Variants in ESRP1 observed in about 807,000 individuals in gnomAD.
The protein encoded by ESRP1 is epithelial splicing regulatory protein 1, also known as RNA-binding motif protein 35A.
ESRP1 carries 33 observed loss-of-function variants against 81.7 expected under a neutral mutation model. The ratio of observed to expected loss-of-function variants is 0.40; its 90% CI spans 0.31 to 0.54. The LOEUF is 0.54. ESRP1 is among the 20% of genes least tolerant of loss of function. The pLI is 0.41. For synonymous variants in ESRP1, 320 were observed against 303.3 expected (o/e 1.06, Z -0.57); for missense variants, 672 against 833.1 (o/e 0.81, Z 2.38).
At chr8:94,667,068 G>GGT (rs1163646804) in intron 9 of ESRP1, among the ~76,000 whole-genome samples, 3,418 of 144,218 alleles carry the variant, frequency 0.024, 47 homozygotes, top group Middle Eastern at 0.032. Context: ...CCAGGAGAGG[G>GGT]GTGTGTGTGT....
At chr8:94,671,712 C>T in intron 11 of ESRP1, 41 bp downstream of exon 11, 9 of 1,443,060 alleles carry the variant, frequency 6.2e-6, no homozygotes, top group Non-Finnish European at 8.7e-6. Context: ...TGCTTTTTCT[C>T]ACTACATATG....
chr8:94,687,363 T>C (rs1276461719), intron 13 of ESRP1, among the ~76,000 whole-genome samples: 21 of 152,346 alleles, frequency 1.4e-4, no homozygotes, highest in Non-Finnish European at 1.5e-5. Context: ...TTTACACTTT[T>C]TGGCTATTAA....
intron 4 of ESRP1, among the ~76,000 whole-genome samples, chr8:94,659,255 A>AT (rs1227173418): frequency 6.6e-6 from 1 of 152,114 alleles, no homozygotes; most frequent in Non-Finnish European, 1.5e-5. Flanking sequence ...TATTGACACC[A>AT]TTTTTCCAAC....
intron 13 of ESRP1, among the ~76,000 whole-genome samples, chr8:94,686,213 G>C (rs527558067): frequency 6.6e-6 from 1 of 152,326 alleles, no homozygotes; most frequent in East Asian, 1.9e-4. Context: ...ACAGGCATGA[G>C]CCACCAGGGC....
At chr8:94,695,065 G>T (rs1408681951) in intron 14 of ESRP1, among the ~76,000 whole-genome samples, 1 of 152,138 alleles carries the variant, frequency 6.6e-6, no homozygotes, top group Non-Finnish European at 1.5e-5. Flanking sequence ...GTCTTGAAGA[G>T]TACATGCCTT....
rs10618511 is a variant in ESRP1 at position 94,704,766 on chromosome 8, G to GA, written c.*36-1132dup. 3.7e-3 allele frequency among the ~76,000 whole-genome samples: 407 copies of GA among 108,708 alleles called. 20 individuals carry two copies. Among genetic ancestry groups the GA allele is most frequent in the East Asian group, 0.015 (42 of 2,838 alleles). The allele number at this position is 108,708 out of a possible 152,430, so 71.3% of individuals were successfully genotyped here. On this transcript the variant is annotated intron_variant, in intron 15 of 15. Coordinates refer to ENST00000433389, the MANE Select transcript of ESRP1 (RefSeq NM_017697.4). ...ACAATGCAAGGCACCATCTCTTTTT[G>GA]AAAAAAAAAAAAAAAAAAAAAAAAA...
intron 15 of ESRP1, 176 bp from the exon 16 acceptor site, chr8:94,705,749 A>G: frequency 3.3e-6 from 2 of 603,014 alleles, no homozygotes; most frequent in South Asian, 4.2e-5. Context: ...TGTACTCCCA[A>G]AGCCCTTGCC....
At chr8:94,676,835 T>G (rs1808662152) in intron 12 of ESRP1, among the ~76,000 whole-genome samples, 1 of 151,772 alleles carries the variant, frequency 6.6e-6, no homozygotes, top group African/African-American at 2.4e-5. Flanking sequence ...CACTGTCCTG[T>G]AATGAACCGC....
At chr8:94,642,724 GGCT>G (rs10603303) in intron 2 of ESRP1, among the ~76,000 whole-genome samples, 4,506 of 152,284 alleles carry the variant, frequency 0.03, 223 homozygotes, top group African/African-American at 0.1. Context: ...CCTAAAAACC[GGCT>G]GTTCCGGGGT....
intron 13 of ESRP1, chr8:94,688,154 A>AC (rs1809219535): frequency 6.5e-6 from 1 of 153,012 alleles, no homozygotes; most frequent in East Asian, 1.9e-4. Flanking sequence ...TATTGAAAAC[A>AC]CCTCTTTCCC....
chr8:94,660,693 CAG>C (rs1436493942), intron 4 of ESRP1, among the ~76,000 whole-genome samples: 2 of 110,386 alleles, frequency 1.8e-5, no homozygotes, highest in Non-Finnish European at 3.4e-5. Context: ...GCCTGGGCAA[CAG>C]AGCGAGACTA....
intron 13 of ESRP1, among the ~76,000 whole-genome samples, chr8:94,690,932 T>C (rs12546282): frequency 0.34 from 51,934 of 152,004 alleles, 9,512 homozygotes; most frequent in East Asian, 0.56. Flanking sequence ...AGGAGGAAAG[T>C]AATGAACCAG....
chr8:94,649,647 G>A (rs1425642293), intron 4 of ESRP1: 1 of 152,120 alleles, frequency 6.6e-6, no homozygotes, highest in South Asian at 2.1e-4. Context: ...CAGGTAGCTG[G>A]TATTACAGGC....
rs1376145558 is a variant in ESRP1, at chr8:94,706,920, A to T, written c.*1031A>T. 2.0e-5 allele frequency: 3 copies of T among 152,260 alleles called. No homozygotes were observed. The highest frequency in any genetic ancestry group is 4.4e-5 in the Non-Finnish European group (3 of 68,044). The allele number at this position is 152,260 out of a possible 1,614,324, so 9.4% of individuals were successfully genotyped here. On this transcript the variant is annotated 3_prime_UTR_variant, in exon 16 of 16. Coordinates refer to ENST00000433389, the MANE Select transcript of ESRP1 (RefSeq NM_017697.4). ...CCTTTTAAAGCATAGGACTATAGTC[A>T]GCATGCTAGACTGAGAGGTAAACAC...
At chr8:94,700,377 T>C (rs953401187) in intron 15 of ESRP1, among the ~76,000 whole-genome samples, 8 of 152,034 alleles carry the variant, frequency 5.3e-5, no homozygotes, top group Non-Finnish European at 8.8e-5. Context: ...CAGAGACACA[T>C]ACAGAAGAGG....
intron 13 of ESRP1, among the ~76,000 whole-genome samples, chr8:94,680,964 A>G (rs1015217825): frequency 1.6e-4 from 24 of 151,946 alleles, no homozygotes; most frequent in African/African-American, 5.8e-4. Context: ...GCGCTTTGGG[A>G]GGCAAAGGTG....
At chr8:94,662,651 A>G in intron 6 of ESRP1, 96 bp downstream of exon 6, 3 of 1,056,018 alleles carry the variant, frequency 2.8e-6, no homozygotes, top group Non-Finnish European at 2.7e-6. Flanking sequence ...TCTGTCGCCC[A>G]GGCTGGAGTG....
At position 94,686,254 on chromosome 8, in the gene ESRP1, A is replaced by G. The variant is rs16916982; in HGVS notation, c.1821-6423A>G. Among the ~76,000 whole-genome samples, 1,295 of 152,338 alleles carry G rather than the reference A, an allele frequency of 8.5e-3. 25 individuals are homozygous for G. Among genetic ancestry groups the G allele is most frequent in the African/African-American group, 0.029 (1,219 of 41,578 alleles). ...TACGTTACCTATATATGTACAGAGG[A>G]TATTAAGTGCTGCAGTGGAGGAAGT... On this transcript the variant is annotated intron_variant, in intron 13 of 15. Coordinates refer to ENST00000433389, the MANE Select transcript of ESRP1 (RefSeq NM_017697.4).
chr8:94,690,296 TTTTTTTTTG>T lies in ESRP1; in HGVS notation c.1821-2380_1821-2372del, dbSNP rs1257145347. On this transcript the variant is annotated intron_variant, in intron 13 of 15. Coordinates refer to ENST00000433389, the MANE Select transcript of ESRP1 (RefSeq NM_017697.4). ...GGCTAATTTTTTTTTTTTTTTTTTTTTTTTTTTTGGATTTTTAGTGGAGATGGGATTTCA... is the reference window on the plus strand; with the variant it reads ...GGCTAATTTTTTTTTTTTTTTTTTTTGATTTTTAGTGGAGATGGGATTTCA... Among the ~76,000 whole-genome samples the T allele has an allele frequency of 7.0e-3, 737 of 105,054 alleles. 8 individuals are homozygous for T. The highest frequency in any genetic ancestry group is 0.024 in the African/African-American group (689 of 28,546). The allele number at this position is 105,054 out of a possible 152,430, so 68.9% of individuals were successfully genotyped here. A position where few individuals can be genotyped will look rare whatever the true frequency, so the allele number is the denominator to read the frequency against.
Sources: allele counts gnomAD v4.1 joint callset (sites outside exome capture counted in the v4.1 genomes callset), GRCh38; gene constraint gnomAD v4.1.1; transcripts MANE v1.5; gene names NCBI Gene and HGNC (gene_info 2026-07-23, HGNC 2026-07-21).